The following PLCL2 variants were observed in gnomAD, a reference collection of about 807,000 sequenced individuals.
The protein encoded by PLCL2 is inactive phospholipase C-like protein 2.
Under a neutral mutation model 79.6 loss-of-function variants are expected in PLCL2, and 4 were observed. The ratio of observed to expected loss-of-function variants is 0.05; its 90% CI spans 0.02 to 0.11. PLCL2 has a LOEUF of 0.11. Among genes scored for constraint, PLCL2 ranks in the 10% least tolerant of loss-of-function variants. PLCL2 has a pLI of 1.00. For synonymous variants in PLCL2, 484 were observed against 457.7 expected (o/e 1.06, Z -0.73); for missense variants, 895 against 1,291.0 (o/e 0.69, Z 4.70).
chr3:16,920,012 AC>A (rs1192780316), intron 1 of PLCL2, among the ~76,000 whole-genome samples: 1 of 152,136 alleles, frequency 6.6e-6, no homozygotes, highest in East Asian at 1.9e-4. Context: ...AATCTTGTCA[AC>A]CCCAATTTTA....
intron 3 of PLCL2, among the ~76,000 whole-genome samples, chr3:17,038,379 T>C (rs1273780662): frequency 6.6e-6 from 1 of 152,238 alleles, no homozygotes; most frequent in African/African-American, 2.4e-5. Context: ...CCTGTGTGTT[T>C]ATAGGGGCTT....
intron 1 of PLCL2, among the ~76,000 whole-genome samples, chr3:16,996,039 A>G (rs929093906): frequency 6.6e-6 from 1 of 152,220 alleles, no homozygotes; most frequent in Non-Finnish European, 1.5e-5. Flanking sequence ...ACAGAGAATA[A>G]TATGGGCAGG....
At chr3:17,027,332 A>G (rs771257925) in intron 3 of PLCL2, among the ~76,000 whole-genome samples, 5 of 152,208 alleles carry the variant, frequency 3.3e-5, no homozygotes, top group African/African-American at 4.8e-5. Context: ...TTGTGATATG[A>G]AAGTCATATG....
chr3:17,012,065 T>C lies in PLCL2; in HGVS notation c.2719T>C (p.Ser907Pro), dbSNP rs766483081. The C allele has an allele frequency of 1.9e-6, 3 of 1,614,122 alleles. No homozygotes were observed. Among genetic ancestry groups the C allele is most frequent in the Non-Finnish European group, 2.5e-6 (3 of 1,179,972 alleles). Residue 907 changes from serine to proline, a missense_variant, in exon 2 of 6, where the codon TCT becomes CCT. Coordinates refer to ENST00000615277, the MANE Select transcript of PLCL2 (RefSeq NM_001144382.2). Reference sequence around the variant, plus strand: ...AGGGAAGAAATCCAGGGAATATGCATCTTTGAGAACACTGTGGATTAAAAC... The same window carrying C: ...AGGGAAGAAATCCAGGGAATATGCACCTTTGAGAACACTGTGGATTAAAAC... Reference protein sequence around the residue: ...RKGKKSREYASLRTLWIKTVD... With the variant: ...RKGKKSREYAPLRTLWIKTVD...
chr3:17,052,255 T>TAAA (rs1553648887), intron 4 of PLCL2, among the ~76,000 whole-genome samples: 4 of 126,416 alleles, frequency 3.2e-5, no homozygotes, highest in African/African-American at 5.9e-5. Flanking sequence ...AAAAAAAAAT[T>TAAA]GGGGGGGGGT....
chr3:17,004,537 A>G (rs920499285), intron 1 of PLCL2, among the ~76,000 whole-genome samples: 4 of 152,002 alleles, frequency 2.6e-5, no homozygotes, highest in African/African-American at 9.7e-5. Flanking sequence ...ATTCTTTTTC[A>G]TTTCATTTTA....
intron 1 of PLCL2, among the ~76,000 whole-genome samples, chr3:16,952,643 A>G (rs57515141): frequency 0.022 from 3,289 of 152,144 alleles, 123 homozygotes; most frequent in African/African-American, 0.075. Flanking sequence ...TAGTATGATC[A>G]CATGTTGAGA....
At chr3:16,925,595 C>A (rs1423944180) in intron 1 of PLCL2, among the ~76,000 whole-genome samples, 1 of 152,174 alleles carries the variant, frequency 6.6e-6, no homozygotes, top group African/African-American at 2.4e-5. Context: ...ATTTGCCTTC[C>A]CTAAACATTT....
At chr3:17,079,577 C>T (rs186122943) in intron 5 of PLCL2, among the ~76,000 whole-genome samples, 1 of 152,286 alleles carries the variant, frequency 6.6e-6, no homozygotes, top group Admixed American at 6.5e-5. Context: ...CAGGCAGCAT[C>T]AGCCCCTGGG....
intron 1 of PLCL2, among the ~76,000 whole-genome samples, chr3:16,917,504 G>A (rs952986776): frequency 1.3e-5 from 2 of 152,162 alleles, no homozygotes; most frequent in African/African-American, 4.8e-5. Flanking sequence ...TGGGGATTCT[G>A]ATGACTAGAA....
intron 1 of PLCL2, among the ~76,000 whole-genome samples, chr3:16,981,545 G>T (rs150889696): frequency 6.6e-6 from 1 of 152,258 alleles, no homozygotes; most frequent in African/African-American, 2.4e-5. Flanking sequence ...AATTGTAATT[G>T]TTCTATCTTT....
chr3:17,016,852 C>T (rs2064390404), intron 3 of PLCL2, among the ~76,000 whole-genome samples: 1 of 152,180 alleles, frequency 6.6e-6, no homozygotes, highest in Non-Finnish European at 1.5e-5. Flanking sequence ...ATGATTTACC[C>T]CCTAAGACAT....
At chr3:16,938,181 A>T (rs895935533) in intron 1 of PLCL2, among the ~76,000 whole-genome samples, 1 of 152,186 alleles carries the variant, frequency 6.6e-6, no homozygotes, top group African/African-American at 2.4e-5. Context: ...TGTTTGGTGG[A>T]TCTGTTCTTT....
intron 5 of PLCL2, among the ~76,000 whole-genome samples, chr3:17,086,752 T>G (rs1385972718): frequency 1.3e-5 from 2 of 151,492 alleles, no homozygotes; most frequent in Admixed American, 6.6e-5. Context: ...ACAACCTGAT[T>G]AAAAACTGGG....
chr3:16,947,236 C>T (rs763675003), intron 1 of PLCL2, among the ~76,000 whole-genome samples: 2 of 152,090 alleles, frequency 1.3e-5, no homozygotes, highest in African/African-American at 2.4e-5. Context: ...AGGCGCGAGC[C>T]ACCGCATCCA....
intron 1 of PLCL2, among the ~76,000 whole-genome samples, chr3:16,921,270 G>T (rs1317993913): frequency 6.6e-6 from 1 of 152,166 alleles, no homozygotes; most frequent in Non-Finnish European, 1.5e-5. Context: ...CAAATAATTA[G>T]TGTCAAGTAG....
chr3:16,963,699 A>G (rs1047496435), intron 1 of PLCL2, among the ~76,000 whole-genome samples: 3 of 152,188 alleles, frequency 2.0e-5, no homozygotes, highest in Admixed American at 6.5e-5. Flanking sequence ...CACTTAGAAT[A>G]TCATCTCTCA....
intron 3 of PLCL2, among the ~76,000 whole-genome samples, chr3:17,020,670 C>T (rs1379198425): frequency 1.3e-5 from 2 of 152,028 alleles, no homozygotes; most frequent in Non-Finnish European, 2.9e-5. Flanking sequence ...AAGGGAAGAA[C>T]AAGATGCTTT....
intron 1 of PLCL2, among the ~76,000 whole-genome samples, chr3:16,905,292 C>A (rs1696725146): frequency 6.6e-6 from 1 of 152,144 alleles, no homozygotes; most frequent in South Asian, 2.1e-4. Flanking sequence ...CCTAGCCTGG[C>A]AGAGTGGTCT....
Sources: gnomAD v4.1 joint callset for allele counts (sites outside exome capture counted in the v4.1 genomes callset) on GRCh38, gnomAD v4.1.1 for gene constraint, MANE v1.5 for transcripts, NCBI Gene and HGNC (gene_info 2026-07-23, HGNC 2026-07-21) for gene names.